Variants in FRAS1 observed in about 807,000 individuals in gnomAD.
FRAS1 encodes Fraser extracellular matrix complex subunit 1, also known as extracellular matrix organizing protein FRAS1.
A neutral mutation model predicts 435.2 loss-of-function variants in FRAS1; 290 were observed. The observed-to-expected ratio is 0.67, with a 90% CI of 0.61 to 0.73. The LOEUF (loss-of-function observed/expected upper bound fraction) is 0.73. FRAS1 is among the 30% of genes least tolerant of loss of function. FRAS1 has a pLI of 0.00. For synonymous variants in FRAS1, 1,800 were observed against 1,851.0 expected, an observed-to-expected ratio of 0.97 and a Z score of 0.71; for missense variants, 4,860 against 5,001.5, an observed-to-expected ratio of 0.97 and a Z score of 0.85.
chr4:78,080,255 A>G (rs1740834556), intron 2 of FRAS1, among the ~76,000 whole-genome samples: 3 of 152,158 alleles, frequency 2.0e-5, no homozygotes, highest in Non-Finnish European at 1.5e-5. Context: ...CCCCTGGGGA[A>G]CAGAAAGCCG....
chr4:78,417,177 A>G (rs1219805130), intron 32 of FRAS1, among the ~76,000 whole-genome samples: 3 of 152,154 alleles, frequency 2.0e-5, no homozygotes, highest in African/African-American at 7.2e-5. Context: ...TGTAGTATCT[A>G]TTTCTATTAG....
intron 18 of FRAS1, among the ~76,000 whole-genome samples, chr4:78,332,013 GACTT>G (rs1729968368): frequency 6.6e-6 from 1 of 152,214 alleles, no homozygotes; most frequent in African/African-American, 2.4e-5. Flanking sequence ...ATGGGCAAGA[GACTT>G]TATTCTAACG....
chr4:78,432,391 T>C lies in FRAS1; in HGVS notation c.5004T>C (p.Asn1668=), dbSNP rs1413381051. Residue 1668 remains asparagine, a synonymous_variant, in exon 38 of 74, where the codon AAT becomes AAC. Transcript: ENST00000512123. ...DTFTYEDVEK[N]ALQYIHDGSS... is the part of the protein sequence containing the mutation. ...TCACCTATGAGGATGTTGAGAAAAA[T>C]GCTCTACAGTATATACATGATGGTT... 2 of 1,605,088 alleles carry C rather than the reference T, an allele frequency of 1.2e-6. No homozygotes were observed. Among genetic ancestry groups the C allele is most frequent in the African/African-American group, 2.7e-5 (2 of 74,782 alleles).
rs145586078 is a variant in FRAS1, at chr4:78,246,363, G to A, written c.309+1038G>A. 3.6e-3 allele frequency among the ~76,000 whole-genome samples: 546 copies of A among 152,242 alleles called. 2 individuals carry two copies. Among genetic ancestry groups the A allele is most frequent in the Middle Eastern group, 0.02 (6 of 294 alleles). ...GGGGACCTAAAACTCAGAAAGCACA[G>A]TGCTCATTTCCCTGTGGGGCAGGAT... On this transcript the variant is annotated intron_variant, in intron 4 of 73. Transcript: ENST00000512123.
intron 38 of FRAS1, among the ~76,000 whole-genome samples, chr4:78,437,966 T>G (rs932052640): frequency 7.3e-6 from 1 of 136,676 alleles, no homozygotes; most frequent in Non-Finnish European, 1.6e-5. Context: ...TCTTGGGAAG[T>G]GAACATTCAT....
intron 2 of FRAS1, among the ~76,000 whole-genome samples, chr4:78,225,126 C>T (rs960050030): frequency 2.0e-5 from 3 of 152,158 alleles, no homozygotes; most frequent in Non-Finnish European, 4.4e-5. Flanking sequence ...CTGAGAGCCT[C>T]TGTTCTACCC....
chr4:78,260,650 C>G (rs1726043392), intron 6 of FRAS1, among the ~76,000 whole-genome samples: 1 of 152,052 alleles, frequency 6.6e-6, no homozygotes, highest in African/African-American at 2.4e-5. Context: ...CATCTGCAAA[C>G]AGGGACAATT....
chr4:78,085,000 C>T (rs1741077561), intron 2 of FRAS1, among the ~76,000 whole-genome samples: 1 of 152,028 alleles, frequency 6.6e-6, no homozygotes, highest in Non-Finnish European at 1.5e-5. Context: ...TACAGATACA[C>T]ACTGTGCTAT....
At chr4:78,152,103 T>C (rs1469674902) in intron 2 of FRAS1, among the ~76,000 whole-genome samples, 2 of 152,204 alleles carry the variant, frequency 1.3e-5, no homozygotes, top group Non-Finnish European at 2.9e-5. Context: ...GGTTCTATTC[T>C]GTGTCATGTC....
intron 2 of FRAS1, among the ~76,000 whole-genome samples, chr4:78,097,489 A>C (rs970514629): frequency 6.6e-6 from 1 of 152,244 alleles, no homozygotes; most frequent in Non-Finnish European, 1.5e-5. Context: ...CACAAAAGAA[A>C]GAGGTTTAAG....
intron 2 of FRAS1, among the ~76,000 whole-genome samples, chr4:78,218,686 C>T (rs545017186): frequency 6.6e-5 from 10 of 152,222 alleles, no homozygotes; most frequent in Non-Finnish European, 1.3e-4. Flanking sequence ...TCAAACCAGT[C>T]TTCCCAGAGG....
At chr4:78,208,313 C>G (rs924937315) in intron 2 of FRAS1, among the ~76,000 whole-genome samples, 2 of 152,198 alleles carry the variant, frequency 1.3e-5, no homozygotes, top group African/African-American at 4.8e-5. Flanking sequence ...AGCTCTAGAT[C>G]TTCCCTCTGA....
chr4:78,252,647 C>T (rs1282742976), intron 5 of FRAS1, 96 bp downstream of exon 5: 2 of 1,177,946 alleles, frequency 1.7e-6, no homozygotes, highest in South Asian at 1.5e-5. Flanking sequence ...TAGGTTCTTT[C>T]TATTTTCCCT....
intron 27 of FRAS1, among the ~76,000 whole-genome samples, 183 bp downstream of exon 27, chr4:78,380,179 G>C (rs139655532): frequency 5.9e-5 from 9 of 152,162 alleles, no homozygotes; most frequent in Admixed American, 4.6e-4. Flanking sequence ...CTCAAAGAGC[G>C]TGCATCTGTT....
intron 66 of FRAS1, among the ~76,000 whole-genome samples, chr4:78,516,516 A>C (rs887120351): frequency 2.0e-5 from 3 of 152,216 alleles, no homozygotes; most frequent in Non-Finnish European, 4.4e-5. Flanking sequence ...CCCCACAAAA[A>C]TAGACACTTT....
chr4:78,518,438 A>G (rs1047554645), intron 66 of FRAS1, among the ~76,000 whole-genome samples: 4 of 120,254 alleles, frequency 3.3e-5, no homozygotes, highest in Admixed American at 8.0e-5. Flanking sequence ...ATATATATAT[A>G]TATATATATA....
intron 18 of FRAS1, among the ~76,000 whole-genome samples, chr4:78,321,810 C>T (rs1211321452): frequency 6.8e-6 from 1 of 146,806 alleles, no homozygotes; most frequent in East Asian, 2.0e-4. Flanking sequence ...CACCATTGCT[C>T]TCCAGCCTGG....
At chr4:78,219,693 C>T (rs768889870) in intron 2 of FRAS1, among the ~76,000 whole-genome samples, 1 of 152,142 alleles carries the variant, frequency 6.6e-6, no homozygotes. Context: ...CCAGAGTTTA[C>T]TTAAGATGTC....
rs147999269 is a variant in FRAS1 at position 78,518,450 on chromosome 4, A to ATATTTATT, written c.10390-867_10390-860dup. On this transcript the variant is annotated intron_variant, in intron 66 of 73. Transcript: ENST00000512123. ...TATATATATATATATATATATATATATATTTATTTATTTATTTATTTGTGG... is the reference window on the plus strand; with the variant it reads ...TATATATATATATATATATATATATATATTTATTTATTTATTTATTTATTTATTTGTGG... Among the ~76,000 whole-genome samples the ATATTTATT allele has an allele frequency of 8.4e-4, 58 of 69,324 alleles. 1 individual carries two copies. The highest frequency in any genetic ancestry group is 2.1e-3 in the African/African-American group (56 of 26,396). 45.5% of individuals were successfully genotyped at this position (69,324 alleles called of 152,430 possible). A position where few individuals can be genotyped will look rare whatever the true frequency, so the allele number is the denominator to read the frequency against.
Sources: allele counts gnomAD v4.1 joint callset (sites outside exome capture counted in the v4.1 genomes callset), GRCh38; gene constraint gnomAD v4.1.1; transcripts MANE v1.5; gene names NCBI Gene and HGNC (gene_info 2026-07-23, HGNC 2026-07-21).